NOB1: variants seen among roughly 807,000 people sequenced by gnomAD.
NOB1 encodes the protein RNA-binding protein NOB1.
NOB1 carries 44 observed loss-of-function variants against 44.8 expected under a neutral mutation model. The observed-to-expected ratio is 0.98, with a 90% CI of 0.77 to 1.26. The LOEUF (loss-of-function observed/expected upper bound fraction) is 1.26, where lower values mean the gene tolerates loss of function less well. Among genes scored for constraint, NOB1 ranks in the 50% most tolerant of loss-of-function variants. The probability of loss-of-function intolerance (pLI) is 0.00; values close to 1 mark genes in which losing one functional copy is unlikely to be tolerated. For synonymous variants in NOB1, 238 were observed against 218.7 expected (o/e 1.09, Z -0.78); for missense variants, 560 against 544.8 (o/e 1.03, Z -0.28).
rs956504618 is a variant in NOB1, at chr16:69,742,364, C to T, written c.1207G>A (p.Ala403Thr). Residue 403 changes from alanine to threonine, a missense_variant, in exon 9 of 9, where the codon GCT (alanine) becomes ACT (threonine). Transcript: ENST00000268802. ...GAGRRRLNPN[A>T]SRKKFVKKR ...TTCTTCACAAACTTCTTTCTGGAAG[C>T]GTTGGGATTTAAGCGTCTCCGCCCA... 2.5e-5 allele frequency: 40 copies of T among 1,613,270 alleles called. No individual in the cohort carries two copies. Among genetic ancestry groups the T allele is most frequent in the East Asian group, 6.7e-5 (3 of 44,870 alleles).
rs2038384650 is a variant in NOB1, at chr16:69,741,900, T to G, written c.*432A>C. 6.4e-6 allele frequency: 1 copy of G among 157,260 alleles called. No individual in the cohort carries two copies. Among genetic ancestry groups the G allele is most frequent in the Non-Finnish European group, 1.4e-5 (1 of 71,500 alleles). The allele number at this position is 157,260 out of a possible 1,614,324, so 9.7% of individuals were successfully genotyped here. A position where few individuals can be genotyped will look rare whatever the true frequency, so the allele number is the denominator to read the frequency against. On this transcript the variant is annotated 3_prime_UTR_variant, in exon 9 of 9. Transcript: ENST00000268802. ...AGTTCTTAGTTTTATTATAACCTTGTATTTTCTGGCAAAAATATAAATCTA... is the reference window on the plus strand; with the variant it reads ...AGTTCTTAGTTTTATTATAACCTTGGATTTTCTGGCAAAAATATAAATCTA...
Position 69,749,301 on chromosome 16 carries a change from G to A in NOB1, c.437C>T (p.Ala146Val), listed in dbSNP as rs1567643525. ...PPQETEKGHSACEPENLEFSS... is the reference protein window; with the variant it reads ...PPQETEKGHSVCEPENLEFSS... ...AAATTCCAGGTTCTCAGGCTCACAA[G>A]CTGAGTGTCCTTTTTCTGTTTCTTG... Residue 146 changes from alanine to valine, a missense_variant, in exon 5 of 9, where the codon GCT becomes GTT. Ala to Val is a moderately conservative substitution (Grantham distance 64). Coordinates refer to ENST00000268802, the MANE Select transcript of NOB1 (RefSeq NM_014062.3). The A allele has an allele frequency of 1.9e-6, 3 of 1,609,082 alleles. No individual in the cohort carries two copies. Among genetic ancestry groups the A allele is most frequent in the Non-Finnish European group, 2.5e-6 (3 of 1,178,714 alleles).
Position 69,742,490 on chromosome 16 carries a change from C to T in NOB1, c.1081G>A (p.Val361Met), listed in dbSNP as rs770744330. 2.8e-5 allele frequency: 46 copies of T among 1,614,116 alleles called. No homozygotes were observed. The highest frequency in any genetic ancestry group is 8.8e-5 in the South Asian group (8 of 91,096). The change falls in exon 9 of 9, where the codon GTG becomes ATG. Residue 361 changes from valine to methionine, a missense_variant. Transcript: ENST00000268802. ...CCGGCGATGTAGTCAGGGGCGAACA[C>T]GTTGGTTTTCTGCCTGGCCTTTTGG... ...LSQKARQKTNVFAPDYIAGVS... is the reference protein window; with the variant it reads ...LSQKARQKTNMFAPDYIAGVS...
At chr16:69,745,673 A>G (rs2038424880) in intron 7 of NOB1, among the ~76,000 whole-genome samples, 1 of 152,210 alleles carries the variant, frequency 6.6e-6, no homozygotes, top group South Asian at 2.1e-4. Context: ...TGGACTCTCG[A>G]CAGGAGAAAG....
intron 3 of NOB1, among the ~76,000 whole-genome samples, chr16:69,750,633 TACAA>T (rs571489475): frequency 1.8e-4 from 27 of 152,066 alleles, no homozygotes; most frequent in East Asian, 3.9e-4. Flanking sequence ...CTTATTAAAA[TACAA>T]ACAAACAAAC....
chr16:69,749,311 C>A lies in NOB1; in HGVS notation c.427G>T (p.Gly143Ter). The change falls in exon 5 of 9, where the codon GGA becomes TGA. Residue 143 changes from glycine (G) to a stop codon, truncating the protein, a stop_gained. Transcript: ENST00000268802. LOFTEE classifies it high-confidence loss of function. ...KPKPPQETEK[G>*]HSACEPENLE... ...TTCTCAGGCTCACAAGCTGAGTGTC[C>A]TTTTTCTGTTTCTTGTGGGGGTTTA... The A allele has an allele frequency of 6.2e-7, 1 of 1,600,640 alleles. No individual in the cohort carries two copies. The highest frequency in any genetic ancestry group is 8.5e-7 in the Non-Finnish European group (1 of 1,176,736).
Position 69,752,732 on chromosome 16 carries a change from G to A in NOB1, c.197-361C>T, listed in dbSNP as rs376427690. Among the ~76,000 whole-genome samples the A allele has an allele frequency of 3.2e-3, 485 of 152,218 alleles. 30 individuals carry two copies. The South Asian group carries it at 0.096, about 30-fold the overall frequency. On this transcript the variant is annotated intron_variant, in intron 2 of 8. Coordinates refer to ENST00000268802, the MANE Select transcript of NOB1 (RefSeq NM_014062.3). ...AGGTGGGCGGATCACTTGAGGTCAG[G>A]AGACCAGCCTGGCCAACGTGGTGAA...
At chr16:69,747,366 C>T (rs1161634939) in intron 7 of NOB1, among the ~76,000 whole-genome samples, 5 of 152,042 alleles carry the variant, frequency 3.3e-5, no homozygotes, top group African/African-American at 1.2e-4. Flanking sequence ...CGTGAGACCT[C>T]GTCTCAAAGA....
intron 2 of NOB1, 48 bp from the exon 3 acceptor site, chr16:69,752,419 G>A (rs2038490825): frequency 6.3e-7 from 1 of 1,587,332 alleles, no homozygotes; most frequent in Non-Finnish European, 8.6e-7. Flanking sequence ...AAAGCCATAT[G>A]ACCTTGGATA....
At chr16:69,749,477 G>T (rs1047909070) in intron 4 of NOB1, 82 bp downstream of exon 4, 1 of 1,538,136 alleles carries the variant, frequency 6.5e-7, no homozygotes. Flanking sequence ...CGTAAATTTA[G>T]TTCACTGTGA....
rs777824395 is a variant in NOB1, at chr16:69,742,575, G to T, written c.996C>A (p.Gly332=). Residue 332 remains glycine (G), a synonymous_variant, in exon 9 of 9, where the codon GGC becomes GGA. Transcript: ENST00000268802. ...TGAGATGGGGGTTGATGGCGTATTT[G>T]CCCCCTTTGGGAGTGGGAAGCGAGT... The part of the protein sequence containing the change: ...LRYSLPTPKG[G]KYAINPHLTE... 2.9e-5 allele frequency: 47 copies of T among 1,613,998 alleles called. No individual in the cohort carries two copies. The highest frequency in any genetic ancestry group is 3.8e-5 in the Non-Finnish European group (45 of 1,180,024).
At chr16:69,743,916 A>C (rs2038406390) in intron 8 of NOB1, among the ~76,000 whole-genome samples, 1 of 152,240 alleles carries the variant, frequency 6.6e-6, no homozygotes, top group Admixed American at 6.5e-5. Flanking sequence ...TTTCAAGGCA[A>C]AAGGGCATTA....
At position 69,742,523 on chromosome 16, in the gene NOB1, G is replaced by A. The variant is rs200241603; in HGVS notation, c.1048C>T (p.Arg350Ter). Residue 350 changes from arginine (R) to a stop codon, truncating the protein, a stop_gained, in exon 9 of 9, where the codon CGA becomes TGA. Transcript: ENST00000268802. LOFTEE classifies it high-confidence loss of function. ...LTEDQRFPQL[R>*]LSQKARQKTN... ...TTCTGCCTGGCCTTTTGGGAGAGTC[G>A]CAGCTGAGGGAAGCGCTGATCCTCG... 6.8e-5 allele frequency: 110 copies of A among 1,614,054 alleles called. No individual in the cohort carries two copies. The highest frequency in any genetic ancestry group is 8.5e-5 in the Non-Finnish European group (100 of 1,180,000).
chr16:69,754,477 T>C, intron 2 of NOB1, 117 bp downstream of exon 2: 1 of 1,376,914 alleles, frequency 7.3e-7, no homozygotes, highest in Non-Finnish European at 9.9e-7. Flanking sequence ...TCCTAGAAAG[T>C]GCTGGCTCTA....
Position 69,742,338 on chromosome 16 carries a change from T to C in NOB1, c.1233A>G (p.Lys411=), listed in dbSNP as rs778486819. The change falls in exon 9 of 9, where the codon AAA becomes AAG. Residue 411 remains lysine, a synonymous_variant. Transcript: ENST00000268802. ...GCCTGCGGGAACTCGCTCTTCACCT[T>C]TTCTTCACAAACTTCTTTCTGGAAG... ...PNASRKKFVK[K]R The C allele has an allele frequency of 6.2e-7, 1 of 1,611,136 alleles. No individual in the cohort carries two copies. The highest frequency in any genetic ancestry group is 2.2e-5 in the East Asian group (1 of 44,796).
intron 6 of NOB1, 32 bp downstream of exon 6, chr16:69,748,886 T>C (rs2038456475): frequency 1.3e-6 from 2 of 1,544,024 alleles, no homozygotes; most frequent in African/African-American, 1.4e-5. Flanking sequence ...CGATGACGTG[T>C]GTGACACACG....
intron 7 of NOB1, among the ~76,000 whole-genome samples, chr16:69,747,967 G>A (rs1371699346): frequency 1.3e-5 from 2 of 152,128 alleles, no homozygotes; most frequent in Non-Finnish European, 2.9e-5. Flanking sequence ...AGACCAGCCT[G>A]ACCAACATGG....
At position 69,752,133 on chromosome 16, in the gene NOB1, A is replaced by AG. The variant is rs1326540631; in HGVS notation, c.327+107dup. The AG allele has an allele frequency of 1.6e-5, 15 of 961,920 alleles. 1 individual carries two copies. The highest frequency in any genetic ancestry group is 5.7e-5 in the South Asian group (4 of 70,100). The allele number at this position is 961,920 out of a possible 1,614,324, so 59.6% of individuals were successfully genotyped here. A position where few individuals can be genotyped will look rare whatever the true frequency, so the allele number is the denominator to read the frequency against. ...TACAGACTAGCTAAGAGATAATTGG[A>AG]GGGGGGGATGATGGGAACCCTGGGT... On this transcript the variant is annotated intron_variant, in intron 3 of 8. Coordinates refer to ENST00000268802, the MANE Select transcript of NOB1 (RefSeq NM_014062.3).
chr16:69,754,164 C>T (rs1218654317), intron 2 of NOB1, among the ~76,000 whole-genome samples: 1 of 152,146 alleles, frequency 6.6e-6, no homozygotes, highest in Non-Finnish European at 1.5e-5. Context: ...CTGCCAGGTG[C>T]AGATCTTTGT....
Sources: gnomAD v4.1 joint callset for allele counts (sites outside exome capture counted in the v4.1 genomes callset) on GRCh38, gnomAD v4.1.1 for gene constraint, MANE v1.5 for transcripts, NCBI Gene and HGNC (gene_info 2026-07-23, HGNC 2026-07-21) for gene names.